MICOS10: variants seen among roughly 807,000 people sequenced by gnomAD.
MICOS10 encodes mitochondrial contact site and cristae organizing system subunit 10, also known as MICOS complex subunit MIC10.
MICOS10 carries 5 observed loss-of-function variants against 13.4 expected under a neutral mutation model. The observed-to-expected ratio is 0.37, with a 90% CI of 0.20 to 0.78. The LOEUF (loss-of-function observed/expected upper bound fraction) is 0.78, where lower values mean the gene tolerates loss of function less well. MICOS10 is among the 30% of genes least tolerant of loss of function. MICOS10 has a pLI of 0.47. For missense variants in MICOS10, 101 were observed against 94.6 expected (o/e 1.07, Z -0.28); for synonymous variants, 35 against 33.6 (o/e 1.04, Z -0.15).
chr1:19,625,713 G>T, intron 3 of MICOS10: 1 of 1,178,318 alleles, frequency 8.5e-7, no homozygotes. Flanking sequence ...TGCATATTAT[G>T]TATTTAATGG....
At chr1:19,610,654 G>A (rs922079246) in intron 1 of MICOS10, among the ~76,000 whole-genome samples, 10 of 151,720 alleles carry the variant, frequency 6.6e-5, no homozygotes, top group Non-Finnish European at 1.5e-4. Flanking sequence ...GGATGCTTAG[G>A]ATAATTTATA....
At chr1:19,606,245 A>G (rs2094834290) in intron 1 of MICOS10, among the ~76,000 whole-genome samples, 1 of 152,214 alleles carries the variant, frequency 6.6e-6, no homozygotes, top group African/African-American at 2.4e-5. Flanking sequence ...AGGTGGTGCC[A>G]AGCCTACATA....
At chr1:19,622,230 A>T (rs1055475088) in intron 2 of MICOS10, 83 bp downstream of exon 2, 2 of 1,154,982 alleles carry the variant, frequency 1.7e-6, no homozygotes, top group African/African-American at 3.1e-5. Context: ...ACACATTGGA[A>T]CCCATCAATT....
intron 1 of MICOS10, among the ~76,000 whole-genome samples, chr1:19,605,527 G>A (rs190350604): frequency 3.9e-5 from 6 of 151,900 alleles, no homozygotes; most frequent in East Asian, 1.9e-4. Context: ...CTTTTGTATC[G>A]GCTTCTTTGA....
rs958532009 is a variant in MICOS10 at position 19,629,508 on chromosome 1, G to C, written c.*3107G>C. On this transcript the variant is annotated 3_prime_UTR_variant, in exon 4 of 4. Transcript: ENST00000322753. ...TATCAGGCTGCATTTGCCTTATGCA[G>C]AAGTATGCCTTTGTTCTGAGAAATG... 1 of 152,214 alleles carries C rather than the reference G, an allele frequency of 6.6e-6. No homozygotes were observed. Among genetic ancestry groups the C allele is most frequent in the Non-Finnish European group, 1.5e-5 (1 of 68,036 alleles). 9.4% of individuals were successfully genotyped at this position (152,214 alleles called of 1,614,324 possible).
At chr1:19,625,271 C>G (rs993241784) in intron 3 of MICOS10, 2 of 1,039,844 alleles carry the variant, frequency 1.9e-6, no homozygotes, top group Non-Finnish European at 1.3e-6. Context: ...ACTGTAACAA[C>G]AAGTAGAGTG....
At chr1:19,605,919 G>A (rs1414015701) in intron 1 of MICOS10, among the ~76,000 whole-genome samples, 1 of 152,112 alleles carries the variant, frequency 6.6e-6, no homozygotes, top group Non-Finnish European at 1.5e-5. Flanking sequence ...GAATTGCTTG[G>A]TTGTGTGGCA....
At chr1:19,625,753 A>AT (rs924576816) in intron 3 of MICOS10, 1 of 1,060,612 alleles carries the variant, frequency 9.4e-7, no homozygotes, top group Non-Finnish European at 1.2e-6. Flanking sequence ...ATATTGTTCC[A>AT]TTTTTTACAT....
chr1:19,608,013 A>C, intron 1 of MICOS10: 1 of 637,392 alleles, frequency 1.6e-6, no homozygotes, highest in African/African-American at 1.8e-5. Flanking sequence ...TAGAGAAAAA[A>C]ATGAGCCTCG....
chr1:19,620,409 A>G (rs1180996671), intron 1 of MICOS10, among the ~76,000 whole-genome samples: 1 of 152,208 alleles, frequency 6.6e-6, no homozygotes, highest in Admixed American at 6.5e-5. Flanking sequence ...CTTTTAAGTA[A>G]CTGAGATAGC....
intron 1 of MICOS10, among the ~76,000 whole-genome samples, chr1:19,616,436 C>T (rs1241363814): frequency 6.6e-6 from 1 of 152,146 alleles, no homozygotes; most frequent in Non-Finnish European, 1.5e-5. Flanking sequence ...TTATAGGCCT[C>T]AGCGCATTTG....
intron 1 of MICOS10, among the ~76,000 whole-genome samples, chr1:19,597,371 G>A (rs2094796244): frequency 1.3e-5 from 2 of 152,164 alleles, no homozygotes; most frequent in Non-Finnish European, 2.9e-5. Flanking sequence ...CAGGTGGCAG[G>A]AGAGTCGCAG....
At chr1:19,621,627 T>C (rs2094903825) in intron 1 of MICOS10, among the ~76,000 whole-genome samples, 1 of 152,218 alleles carries the variant, frequency 6.6e-6, no homozygotes, top group Non-Finnish European at 1.5e-5. Flanking sequence ...GCTTGTGTGA[T>C]AGCTCAGCCT....
rs2792055 is a variant in MICOS10 at position 19,626,769 on chromosome 1, T to C, written c.*368T>C. On this transcript the variant is annotated 3_prime_UTR_variant, in exon 4 of 4. Transcript: ENST00000322753. Reference sequence around the variant, plus strand: ...AACCAGTTGTTGGGTATCCTTCCCATTTGCCCCCTCAGGCGTAGTTTTCAG... The same window carrying C: ...AACCAGTTGTTGGGTATCCTTCCCACTTGCCCCCTCAGGCGTAGTTTTCAG... 40,128 of 225,528 alleles carry C rather than the reference T, an allele frequency of 0.18. 6,252 individuals are homozygous for C. Among genetic ancestry groups the C allele is most frequent in the African/African-American group, 0.48 (21,344 of 44,804 alleles). 14.0% of individuals were successfully genotyped at this position (225,528 alleles called of 1,614,324 possible). A position where few individuals can be genotyped will look rare whatever the true frequency, so the allele number is the denominator to read the frequency against.
At chr1:19,617,018 A>G (rs1424687113) in intron 1 of MICOS10, among the ~76,000 whole-genome samples, 1 of 152,136 alleles carries the variant, frequency 6.6e-6, no homozygotes, top group Non-Finnish European at 1.5e-5. Context: ...CCACATGTGC[A>G]TTAACTAATT....
intron 1 of MICOS10, among the ~76,000 whole-genome samples, chr1:19,611,747 G>T (rs1379101462): frequency 6.6e-6 from 1 of 151,736 alleles, no homozygotes; most frequent in African/African-American, 2.4e-5. Flanking sequence ...TGAGGCAGGC[G>T]GATCACTTGA....
At chr1:19,608,441 C>T (rs752351255) in intron 1 of MICOS10, 2 of 1,289,942 alleles carry the variant, frequency 1.6e-6, no homozygotes, top group South Asian at 2.4e-5. Flanking sequence ...GACCCTTGGA[C>T]CTGGGGCCCA....
chr1:19,621,959 C>T (rs182477149), intron 1 of MICOS10, 141 bp from the exon 2 acceptor site: 187 of 677,434 alleles, frequency 2.8e-4, no homozygotes, highest in African/African-American at 1.4e-3. Context: ...CAAATAAAGA[C>T]GGTTAGAAAT....
chr1:19,598,696 C>T (rs995158128), intron 1 of MICOS10, among the ~76,000 whole-genome samples: 1 of 151,796 alleles, frequency 6.6e-6, no homozygotes, highest in Admixed American at 6.6e-5. Flanking sequence ...ACTCTTCTCG[C>T]CCATCCTTAC....
Sources: gnomAD v4.1 joint callset for allele counts (sites outside exome capture counted in the v4.1 genomes callset) on GRCh38, gnomAD v4.1.1 for gene constraint, MANE v1.5 for transcripts, NCBI Gene and HGNC (gene_info 2026-07-23, HGNC 2026-07-21) for gene names.